The following SLC43A2 variants were observed in gnomAD, a reference collection of about 807,000 sequenced individuals.
The protein encoded by SLC43A2 is solute carrier family 43 member 2, also known as large neutral amino acids transporter small subunit 4.
A neutral mutation model predicts 63.2 loss-of-function variants in SLC43A2; 38 were observed. The observed-to-expected ratio is 0.60, with a 90% CI of 0.46 to 0.79. The LOEUF is 0.79. SLC43A2 is among the 30% of genes least tolerant of loss of function. SLC43A2 has a pLI of 0.00. For missense variants in SLC43A2, 644 were observed against 756.2 expected, an observed-to-expected ratio of 0.85 and a Z score of 1.74; for synonymous variants, 322 against 331.0, an observed-to-expected ratio of 0.97 and a Z score of 0.30.
chr17:1,583,497 C>T lies in SLC43A2; in HGVS notation c.1218-161G>A, dbSNP rs1171601948. The T allele has an allele frequency of 1.9e-5, 24 of 1,267,062 alleles. No homozygotes were observed. The highest frequency in any genetic ancestry group is 4.5e-5 in the African/African-American group (3 of 66,726). The allele number at this position is 1,267,062 out of a possible 1,614,324, so 78.5% of individuals were successfully genotyped here. The stretch of plus-strand genomic sequence containing the variant: ...CTGTGTCGGGGCTGGACCAGCACTA[C>T]GGACACTCCCCGGCCCTTCTCAGTG... On this transcript the variant is annotated intron_variant, in intron 10 of 13. Coordinates refer to ENST00000301335, the MANE Select transcript of SLC43A2 (RefSeq NM_152346.3). The surrounding 1 kb of genome is among the most constrained non-coding windows in gnomAD (Gnocchi z 5.5).
In SLC43A2 at chr17:1,578,355, G is replaced by A. The variant is rs767558868; in HGVS notation, c.1351-32C>T. ...GAGGAAAAGGCGACTGTGGGCATAA[G>A]GCCTTAAGGGACCGTCCCCTCAGCC... is the stretch of plus-strand genomic sequence containing the variant. On this transcript the variant is annotated intron_variant, in intron 11 of 13. Coordinates refer to ENST00000301335, the MANE Select transcript of SLC43A2 (RefSeq NM_152346.3). The surrounding 1 kb of genome is among the most constrained non-coding windows in gnomAD (Gnocchi z 6.5). 6.5e-5 allele frequency: 105 copies of A among 1,605,456 alleles called. No homozygotes were observed. Among genetic ancestry groups the A allele is most frequent in the South Asian group, 4.6e-4 (42 of 90,744 alleles).
intron 5 of SLC43A2, among the ~76,000 whole-genome samples, chr17:1,611,357 G>A (rs756159435): frequency 6.6e-5 from 10 of 152,224 alleles, no homozygotes; most frequent in Admixed American, 1.3e-4. Context: ...GTTTTCGGCC[G>A]AGCGCCGTGG....
chr17:1,585,386 C>T (rs899341827), intron 10 of SLC43A2: 14 of 388,938 alleles, frequency 3.6e-5, no homozygotes, highest in Admixed American at 1.4e-4. Flanking sequence ...GGATTACAGG[C>T]GCGCGCCGCC....
At chr17:1,620,642 G>A (rs1045027595) in intron 2 of SLC43A2, among the ~76,000 whole-genome samples, 4 of 152,076 alleles carry the variant, frequency 2.6e-5, no homozygotes, top group African/African-American at 4.8e-5. Context: ...GCCTGGGGCC[G>A]GGGAGGTGAG....
intron 3 of SLC43A2, among the ~76,000 whole-genome samples, chr17:1,615,617 G>A (rs1449500790): frequency 1.3e-3 from 201 of 150,484 alleles, no homozygotes; most frequent in African/African-American, 4.4e-3. Flanking sequence ...GCCGAGGCGG[G>A]CAGATCACAA....
rs2075863156 is a variant in SLC43A2 at position 1,572,648 on chromosome 17, AC to A, written c.*2955del. 3 of 152,236 alleles carry A rather than the reference AC, an allele frequency of 2.0e-5. No individual in the cohort carries two copies. The highest frequency in any genetic ancestry group is 1.3e-4 in the Admixed American group (2 of 15,270). 9.4% of individuals were successfully genotyped at this position (152,236 alleles called of 1,614,324 possible). On this transcript the variant is annotated 3_prime_UTR_variant, in exon 14 of 14. Coordinates refer to ENST00000301335, the MANE Select transcript of SLC43A2 (RefSeq NM_152346.3). ...GGGGTGGGAGTGCAGGGGGCACCCG[AC>A]CCATCTGGCCAGCCACAGCCTCTGT...
At position 1,574,857 on chromosome 17, in the gene SLC43A2, GT is replaced by G. The variant is rs2075896976; in HGVS notation, c.*746del. 1 of 152,924 alleles carries G rather than the reference GT, an allele frequency of 6.5e-6. No homozygotes were observed. Among genetic ancestry groups the G allele is most frequent in the East Asian group, 1.9e-4 (1 of 5,210 alleles). 9.5% of individuals were successfully genotyped at this position (152,924 alleles called of 1,614,324 possible). A position where few individuals can be genotyped will look rare whatever the true frequency, so the allele number is the denominator to read the frequency against. ...TCCACCTCCACAAAAGCAGCTGTGTGTATGTACGGGGTGCCCTGGCGGCGGT... is the reference window on the plus strand; with the variant it reads ...TCCACCTCCACAAAAGCAGCTGTGTGATGTACGGGGTGCCCTGGCGGCGGT... On this transcript the variant is annotated 3_prime_UTR_variant, in exon 14 of 14. Transcript: ENST00000301335.
At chr17:1,620,103 G>A (rs1464275063) in intron 2 of SLC43A2, among the ~76,000 whole-genome samples, 2 of 152,174 alleles carry the variant, frequency 1.3e-5, no homozygotes, top group Non-Finnish European at 2.9e-5. Flanking sequence ...GGTGGCTCAC[G>A]CCTGTAATCC....
Position 1,583,068 on chromosome 17 carries a change from G to T in SLC43A2, c.1350+136C>A. The T allele has an allele frequency of 2.1e-6, 2 of 965,194 alleles. No individual in the cohort carries two copies. Among genetic ancestry groups the T allele is most frequent in the Non-Finnish European group, 3.1e-6 (2 of 651,138 alleles). The allele number at this position is 965,194 out of a possible 1,614,324, so 59.8% of individuals were successfully genotyped here. On this transcript the variant is annotated intron_variant, in intron 11 of 13. Transcript: ENST00000301335. The surrounding 1 kb of genome is among the most constrained non-coding windows in gnomAD (Gnocchi z 5.5). ...CACTCCAGCCTGAGCAACAGAGTTT[G>T]ACTCTGTCTCAAAAAAATAAAGAAA...
chr17:1,578,252 G>A lies in SLC43A2; in HGVS notation c.1422C>T (p.Ala474=), dbSNP rs376327307. The A allele has an allele frequency of 1.8e-5, 29 of 1,612,950 alleles. No individual in the cohort carries two copies. The highest frequency in any genetic ancestry group is 5.3e-5 in the African/African-American group (4 of 74,900). ...CACCTGCGGCTTCCAGGACTTACAC[G>A]GCAGCGTACAGGCCCCCGACAGCGG... The part of the protein sequence containing the change: ...IHSAVGGLYA[A]VYPSTQFGSL... The change falls in exon 12 of 14, where the codon GCC becomes GCT. Residue 474 remains alanine (A), a splice_region_variant and synonymous_variant. Transcript: ENST00000301335. The surrounding 1 kb of genome is among the most constrained non-coding windows in gnomAD (Gnocchi z 6.5).
chr17:1,576,856 C>A, intron 12 of SLC43A2, 136 bp from the exon 13 acceptor site: 1 of 969,184 alleles, frequency 1.0e-6, no homozygotes, highest in Non-Finnish European at 1.4e-6. Context: ...TCCTGCTGGG[C>A]AGTTCTGTTT....
At chr17:1,595,155 C>T (rs150831002) in intron 5 of SLC43A2, among the ~76,000 whole-genome samples, 4,721 of 152,018 alleles carry the variant, frequency 0.031, 126 homozygotes, top group Non-Finnish European at 0.044. Context: ...GTGGCAGGCG[C>T]CTATAATCCC....
chr17:1,595,036 G>A (rs1336635667), intron 5 of SLC43A2, among the ~76,000 whole-genome samples: 5 of 151,836 alleles, frequency 3.3e-5, no homozygotes, highest in African/African-American at 4.8e-5. Context: ...TTAAAAAAAA[G>A]AGAGAGAGAC....
rs777764551 is a variant in SLC43A2, at chr17:1,590,870, C to T, written c.1010G>A (p.Arg337Gln). The change falls in exon 9 of 14, where the codon CGG (arginine) becomes CAG (glutamine). Residue 337 changes from arginine to glutamine, a missense_variant. Arg to Gln is a conservative substitution (Grantham distance 43). Around this residue, in one of 3 missense-constraint regions of SLC43A2, gnomAD observed 528 missense variants for 623.6 expected, o/e 0.85. Coordinates refer to ENST00000301335, the MANE Select transcript of SLC43A2 (RefSeq NM_152346.3). ...SLVTMCVTQL[R>Q]LIFYMGAMNN... ...CATAGCCCCCATGTAGAAGATGAGC[C>T]GCAGCTGCGTGACGCACATGGTGAC... 2.6e-6 allele frequency: 4 copies of T among 1,554,326 alleles called. No individual in the cohort carries two copies. Among genetic ancestry groups the T allele is most frequent in the South Asian group, 1.2e-5 (1 of 84,258 alleles).
chr17:1,607,491 C>T lies in SLC43A2; in HGVS notation c.501+5704G>A, dbSNP rs1422822603. On this transcript the variant is annotated intron_variant, in intron 5 of 13. Transcript: ENST00000301335. ...TTCTCAAGGAGCAGGCACTGGAGCCCTCATCAGAGGCCTCAGGGGGCAGGG... is the reference window on the plus strand; with the variant it reads ...TTCTCAAGGAGCAGGCACTGGAGCCTTCATCAGAGGCCTCAGGGGGCAGGG... Among the ~76,000 whole-genome samples, 3 of 152,132 alleles carry T rather than the reference C, an allele frequency of 2.0e-5. No homozygotes were observed. In the East Asian group the frequency reaches 5.8e-4, roughly 29 times the overall value.
At chr17:1,619,737 A>C (rs1907982763) in intron 2 of SLC43A2, among the ~76,000 whole-genome samples, 1 of 152,242 alleles carries the variant, frequency 6.6e-6, no homozygotes, top group South Asian at 2.1e-4. Context: ...TCAGGGAAAG[A>C]GGGTCTCTAC....
At chr17:1,587,232 T>A (rs1372770277) in intron 9 of SLC43A2, among the ~76,000 whole-genome samples, 1 of 151,942 alleles carries the variant, frequency 6.6e-6, no homozygotes, top group Admixed American at 6.6e-5. Context: ...TGGTGCCGGG[T>A]CACAGGCGGA....
chr17:1,605,094 A>G lies in SLC43A2; in HGVS notation c.501+8101T>C. On this transcript the variant is annotated intron_variant, in intron 5 of 13. Coordinates refer to ENST00000301335, the MANE Select transcript of SLC43A2 (RefSeq NM_152346.3). The surrounding 1 kb of genome is among the most constrained non-coding windows in gnomAD (Gnocchi z 4.9). Reference sequence around the variant, plus strand: ...CCACCACACTCACAGGTGGGAGTGCAAGCCCCTCTTCCCGCCCTCAGGTGC... The same window carrying G: ...CCACCACACTCACAGGTGGGAGTGCGAGCCCCTCTTCCCGCCCTCAGGTGC... 2 of 1,364,278 alleles carry G rather than the reference A, an allele frequency of 1.5e-6. No individual in the cohort carries two copies. Among genetic ancestry groups the G allele is most frequent in the Non-Finnish European group, 1.9e-6 (2 of 1,055,856 alleles). The allele number at this position is 1,364,278 out of a possible 1,614,324, so 84.5% of individuals were successfully genotyped here.
chr17:1,586,928 T>TCCCACC, intron 9 of SLC43A2: 1 of 1,232,916 alleles, frequency 8.1e-7, no homozygotes. Context: ...TCCCTGACAA[T>TCCCACC]CCCCCCCACC....
Sources: gnomAD v4.1 joint callset for allele counts (sites outside exome capture counted in the v4.1 genomes callset) on GRCh38, gnomAD v4.1.1 for gene constraint, gnomAD v4.1.1 regional missense constraint, Gnocchi (gnomAD v3.1) non-coding constraint, MANE v1.5 for transcripts, NCBI Gene and HGNC (gene_info 2026-07-23, HGNC 2026-07-21) for gene names.